ZNF385A: variants seen among roughly 807,000 people sequenced by gnomAD.
ZNF385A encodes zinc finger protein 385A.
In ZNF385A, 14 loss-of-function variants were observed where a neutral mutation model predicts 32.1. The observed-to-expected ratio is 0.44, with a 90% CI of 0.29 to 0.68. ZNF385A has a LOEUF of 0.68. ZNF385A is among the 30% of genes least tolerant of loss of function. ZNF385A has a pLI of 0.14. For missense variants in ZNF385A, 406 were observed against 478.4 expected (o/e 0.85, Z 1.41); for synonymous variants, 197 against 202.7 (o/e 0.97, Z 0.24).
chr12:54,376,088 C>G (rs1954836925), intron 1 of ZNF385A, 134 bp from the exon 2 acceptor site: 6 of 667,004 alleles, frequency 9.0e-6, no homozygotes, highest in Non-Finnish European at 1.6e-5. Flanking sequence ...GGATCTGAGC[C>G]TCAGTCTTCT....
chr12:54,388,850 TG>T (rs1206222486), upstream of ZNF385A, among the ~76,000 whole-genome samples: 1 of 152,178 alleles, frequency 6.6e-6, no homozygotes, highest in Non-Finnish European at 1.5e-5. Context: ...TCCATGTATA[TG>T]TCCCCTTCAG....
chr12:54,379,235 C>T, intron 1 of ZNF385A: 1 of 980,078 alleles, frequency 1.0e-6, no homozygotes, highest in Non-Finnish European at 1.2e-6. Context: ...CTGGCCCGGG[C>T]CGGAGCCCGC....
intron 1 of ZNF385A, among the ~76,000 whole-genome samples, chr12:54,390,935 T>C (rs1955622506): frequency 6.6e-6 from 1 of 151,902 alleles, no homozygotes; most frequent in Non-Finnish European, 1.5e-5. Flanking sequence ...CGTAGACTGG[T>C]ATATAATATT....
In ZNF385A at chr12:54,370,102, A is replaced by G; in HGVS notation, c.*154T>C. Reference sequence around the variant, plus strand: ...CCTTCTGAAGCCCCCCTCCCCCGCTACCCCTCCCCTTTCCTGGAACCCCGT... The same window carrying G: ...CCTTCTGAAGCCCCCCTCCCCCGCTGCCCCTCCCCTTTCCTGGAACCCCGT... On this transcript the variant is annotated 3_prime_UTR_variant, in exon 7 of 7. Transcript: ENST00000394313. This position sits in a 1 kb window ranked among gnomAD's most constrained non-coding sequence, Gnocchi z 5.5. 1.8e-6 allele frequency: 1 copy of G among 558,314 alleles called. No homozygotes were observed. Among genetic ancestry groups the G allele is most frequent in the Non-Finnish European group, 2.8e-6 (1 of 359,712 alleles). The allele number at this position is 558,314 out of a possible 1,614,324, so 34.6% of individuals were successfully genotyped here. A position where few individuals can be genotyped will look rare whatever the true frequency, so the allele number is the denominator to read the frequency against.
intron 1 of ZNF385A, among the ~76,000 whole-genome samples, chr12:54,382,894 G>A (rs146730721): frequency 0.013 from 2,048 of 151,936 alleles, 40 homozygotes; most frequent in African/African-American, 0.047. Context: ...GGCCAGGCAC[G>A]GTGGCTCAAG....
At chr12:54,385,641 C>G (rs1955442675), upstream of ZNF385A, 1 of 985,428 alleles carries the variant, frequency 1.0e-6, no homozygotes, top group African/African-American at 1.7e-5. Flanking sequence ...GGATCCCTTC[C>G]TGTTCCCTCC....
Position 54,370,593 on chromosome 12 carries a change from C to T in ZNF385A, c.870+33G>A, listed in dbSNP as rs1411217155. 4 of 1,572,974 alleles carry T rather than the reference C, an allele frequency of 2.5e-6. No homozygotes were observed. In the East Asian group the frequency reaches 9.3e-5, roughly 37 times the overall value. ...CCTCTCTCCTCCCCGCCCGCGCCCT[C>T]CCACTGCTGAATTCCCAGCATCCAG... On this transcript the variant is annotated intron_variant, in intron 6 of 6. Transcript: ENST00000394313. This position sits in a 1 kb window ranked among gnomAD's most constrained non-coding sequence, Gnocchi z 5.5.
upstream of ZNF385A, chr12:54,385,539 C>T: frequency 1.4e-6 from 1 of 693,384 alleles, no homozygotes; most frequent in Non-Finnish European, 1.8e-6. Flanking sequence ...AACCCCCTGA[C>T]AGCAACAGGG....
Position 54,370,631 on chromosome 12 carries a change from G to A in ZNF385A, c.865C>T (p.Leu289=). The change falls in exon 6 of 7, where the codon CTG becomes TTG. Residue 289 remains leucine, a synonymous_variant. Coordinates refer to ENST00000394313, the MANE Select transcript of ZNF385A (RefSeq NM_015481.3). The surrounding 1 kb of genome is among the most constrained non-coding windows in gnomAD (Gnocchi z 5.5). The part of the protein sequence containing the change: ...RHKKSRGAGE[L]AGTLTFSKEL... ...TCCCAGCATCCAGGCCTCACCGCCA[G>A]CTCCCCGGCGCCCCTAGACTTCTTG... 1.2e-6 allele frequency: 2 copies of A among 1,600,104 alleles called. No individual in the cohort carries two copies.
chr12:54,370,283 G>A lies in ZNF385A; in HGVS notation c.1074C>T (p.His358=), dbSNP rs1459984770. Residue 358 remains histidine (H), a synonymous_variant, in exon 7 of 7, where the codon CAC becomes CAT. Transcript: ENST00000394313. The surrounding 1 kb of genome is among the most constrained non-coding windows in gnomAD (Gnocchi z 5.5). ...HPAPGPIRTA[H]GPILFSPY ...AGTACGGGGAGAAGAGGATGGGTCC[G>A]TGCGCAGTTCGGATGGGTCCGGGGG... 4 of 1,474,174 alleles carry A rather than the reference G, an allele frequency of 2.7e-6. No individual in the cohort carries two copies. Among genetic ancestry groups the A allele is most frequent in the African/African-American group, 1.4e-5 (1 of 70,730 alleles). The allele number at this position is 1,474,174 out of a possible 1,614,324, so 91.3% of individuals were successfully genotyped here.
chr12:54,384,392 C>G (rs1049856116), intron 1 of ZNF385A, 36 bp downstream of exon 1: 6 of 1,550,796 alleles, frequency 3.9e-6, no homozygotes, highest in Non-Finnish European at 5.2e-6. Context: ...GGTCGGGTCA[C>G]AAGAGGATGG....
upstream of ZNF385A, among the ~76,000 whole-genome samples, chr12:54,385,516 T>C (rs916699042): frequency 7.9e-5 from 12 of 152,070 alleles, no homozygotes; most frequent in Non-Finnish European, 1.5e-4. Context: ...TGGCCGCCCT[T>C]CACTGCTCCA....
intron 2 of ZNF385A, among the ~76,000 whole-genome samples, chr12:54,375,461 G>A (rs1319261693): frequency 4.6e-4 from 70 of 152,182 alleles, no homozygotes; most frequent in Non-Finnish European, 4.4e-5. Flanking sequence ...CAGAGGCTCT[G>A]TGGGGGAGCC....
At chr12:54,387,930 G>A (rs1955536276), upstream of ZNF385A, among the ~76,000 whole-genome samples, 1 of 152,128 alleles carries the variant, frequency 6.6e-6, no homozygotes, top group South Asian at 2.1e-4. Context: ...CAGGAATATA[G>A]GAATGGCTGG....
At chr12:54,382,842 TA>T (rs545274226) in intron 1 of ZNF385A, among the ~76,000 whole-genome samples, 15 of 151,262 alleles carry the variant, frequency 9.9e-5, no homozygotes, top group African/African-American at 2.4e-4. Context: ...CTTTTTTTTT[TA>T]AAAAAAATAT....
intron 1 of ZNF385A, among the ~76,000 whole-genome samples, chr12:54,390,371 A>T (rs1955602491): frequency 6.6e-6 from 1 of 152,050 alleles, no homozygotes; most frequent in Non-Finnish European, 1.5e-5. Flanking sequence ...GATGTAGGTC[A>T]TGAGGATGGG....
chr12:54,382,363 C>A (rs1955238122), intron 1 of ZNF385A, among the ~76,000 whole-genome samples: 1 of 152,060 alleles, frequency 6.6e-6, no homozygotes, highest in South Asian at 2.1e-4. Flanking sequence ...CGTGAGCCAC[C>A]ACGCCTGGCC....
chr12:54,385,529 A>G (rs942161225), upstream of ZNF385A: 3 of 599,152 alleles, frequency 5.0e-6, no homozygotes, highest in Non-Finnish European at 6.3e-6. Flanking sequence ...CTGCTCCAGT[A>G]ACCCCCTGAC....
chr12:54,384,983 A>G, upstream of ZNF385A: 1 of 888,322 alleles, frequency 1.1e-6, no homozygotes, highest in Non-Finnish European at 1.4e-6. Flanking sequence ...GGAAGAAGAG[A>G]GTCAAGTGGG....
Sources: gnomAD v4.1 joint callset for allele counts (sites outside exome capture counted in the v4.1 genomes callset) on GRCh38, gnomAD v4.1.1 for gene constraint, Gnocchi (gnomAD v3.1) non-coding constraint, MANE v1.5 for transcripts, NCBI Gene and HGNC (gene_info 2026-07-23, HGNC 2026-07-21) for gene names.